The following ARHGEF38 variants were observed in gnomAD, a reference collection of about 807,000 sequenced individuals.
The protein encoded by ARHGEF38 is Rho guanine nucleotide exchange factor (GEF) 38.
In ARHGEF38, 79 loss-of-function variants were observed where a neutral mutation model predicts 79.9. The ratio of observed to expected loss-of-function variants is 0.99; its 90% CI spans 0.82 to 1.19. The LOEUF (loss-of-function observed/expected upper bound fraction) is 1.19, where lower values mean the gene tolerates loss of function less well. Among genes scored for constraint, ARHGEF38 ranks in the 50% most tolerant of loss-of-function variants. The pLI is 0.00. For synonymous variants in ARHGEF38, 366 were observed against 328.3 expected, an observed-to-expected ratio of 1.11 and a Z score of -1.24; for missense variants, 962 against 907.2, an observed-to-expected ratio of 1.06 and a Z score of -0.78.
intron 1 of ARHGEF38, among the ~76,000 whole-genome samples, chr4:105,588,314 A>G (rs1727155384): frequency 6.6e-6 from 1 of 152,252 alleles, no homozygotes; most frequent in Admixed American, 6.5e-5. Flanking sequence ...TAAATGAAAT[A>G]TAATTACTTC....
chr4:105,602,062 CA>C (rs1727845814), intron 2 of ARHGEF38, among the ~76,000 whole-genome samples: 1 of 152,084 alleles, frequency 6.6e-6, no homozygotes, highest in South Asian at 2.1e-4. Flanking sequence ...TGAACAACTT[CA>C]GGATGGGTAA....
Position 105,645,176 on chromosome 4 carries a change from T to A in ARHGEF38, c.675-12T>A, listed in dbSNP as rs929793070. On this transcript the variant is annotated splice_polypyrimidine_tract_variant and intron_variant, in intron 5 of 13. Coordinates refer to ENST00000420470, the MANE Select transcript of ARHGEF38 (RefSeq NM_001242729.2). ...ATGTTTGTGAAACTGATATTATTTA[T>A]CTGTATTGTAGAGGCAAACCAAACT... The A allele has an allele frequency of 7.8e-6, 11 of 1,415,092 alleles. No homozygotes were observed. The Admixed American group carries it at 3.2e-4, about 41-fold the overall frequency. The allele number at this position is 1,415,092 out of a possible 1,614,324, so 87.7% of individuals were successfully genotyped here.
chr4:105,574,849 T>C (rs943890322), intron 1 of ARHGEF38, among the ~76,000 whole-genome samples: 2 of 150,860 alleles, frequency 1.3e-5, no homozygotes, highest in African/African-American at 2.4e-5. Context: ...GTATCCAACA[T>C]GTAGTTTTGT....
chr4:105,608,230 T>A (rs1434273060), intron 2 of ARHGEF38, among the ~76,000 whole-genome samples: 7 of 152,192 alleles, frequency 4.6e-5, no homozygotes, highest in South Asian at 2.1e-4. Context: ...CCAATACTTG[T>A]TTTCCTTCAT....
chr4:105,565,425 G>A (rs997748676), intron 1 of ARHGEF38, among the ~76,000 whole-genome samples: 3 of 152,170 alleles, frequency 2.0e-5, no homozygotes, highest in African/African-American at 2.4e-5. Flanking sequence ...GGTAGGGCTC[G>A]ACGCAATGCT....
chr4:105,666,423 C>T (rs1370930682), intron 11 of ARHGEF38, 103 bp downstream of exon 11: 5 of 1,219,962 alleles, frequency 4.1e-6, no homozygotes, highest in Admixed American at 3.1e-5. Context: ...ATTCTAATAT[C>T]CTATAATTTA....
intron 5 of ARHGEF38, among the ~76,000 whole-genome samples, chr4:105,644,865 C>T (rs1729770661): frequency 6.6e-6 from 1 of 152,096 alleles, no homozygotes; most frequent in South Asian, 2.1e-4. Context: ...TGGTAAAATA[C>T]GTTCTGAAAT....
chr4:105,677,727 T>C, intron 13 of ARHGEF38, 25 bp from the exon 14 acceptor site: 1 of 1,393,556 alleles, frequency 7.2e-7, no homozygotes, highest in Non-Finnish European at 9.4e-7. Context: ...CCAATTCCAA[T>C]AATGTCTTTT....
intron 3 of ARHGEF38, among the ~76,000 whole-genome samples, chr4:105,615,974 A>T (rs756161971): frequency 7.2e-5 from 11 of 152,186 alleles, no homozygotes; most frequent in Non-Finnish European, 1.0e-4. Context: ...TGTAGCAGCT[A>T]GTTGTGTCAT....
chr4:105,610,125 C>T (rs1416073743), intron 2 of ARHGEF38, among the ~76,000 whole-genome samples: 1 of 152,102 alleles, frequency 6.6e-6, no homozygotes, highest in Non-Finnish European at 1.5e-5. Flanking sequence ...CCAAATACGG[C>T]ATGTTCTCAC....
At chr4:105,651,729 G>A (rs1183119414) in intron 7 of ARHGEF38, among the ~76,000 whole-genome samples, 3 of 151,852 alleles carry the variant, frequency 2.0e-5, no homozygotes, top group African/African-American at 4.8e-5. Flanking sequence ...ATCATAGCTC[G>A]CTGCAGCCTC....
Position 105,636,313 on chromosome 4 carries a change from A to G in ARHGEF38, c.657-90A>G, listed in dbSNP as rs972019140. 1.4e-5 allele frequency: 3 copies of G among 214,904 alleles called. No homozygotes were observed. In the East Asian group the frequency reaches 4.6e-4, roughly 33 times the overall value. The allele number at this position is 214,904 out of a possible 1,614,324, so 13.3% of individuals were successfully genotyped here. The stretch of plus-strand genomic sequence containing the variant: ...ATGAAAATTACTTATTTTATTTTAC[A>G]TAAGAAAATTTAAAAGGATTTATAA... On this transcript the variant is annotated intron_variant, in intron 4 of 13. Transcript: ENST00000420470.
intron 1 of ARHGEF38, among the ~76,000 whole-genome samples, chr4:105,574,959 G>GCA (rs1227700956): frequency 6.7e-6 from 1 of 149,178 alleles, no homozygotes; most frequent in African/African-American, 2.5e-5. Flanking sequence ...ATATATATAT[G>GCA]CACACACATA....
At chr4:105,579,489 C>G (rs1726672117) in intron 1 of ARHGEF38, among the ~76,000 whole-genome samples, 1 of 152,118 alleles carries the variant, frequency 6.6e-6, no homozygotes, top group East Asian at 1.9e-4. Context: ...TTCAGATGAT[C>G]ATGTGGTTTT....
chr4:105,631,571 G>T, intron 4 of ARHGEF38: 1 of 985,348 alleles, frequency 1.0e-6, no homozygotes, highest in Non-Finnish European at 1.2e-6. Context: ...AAACATTGGT[G>T]GGGGAGCTAC....
intron 2 of ARHGEF38, among the ~76,000 whole-genome samples, chr4:105,603,704 A>G (rs1202806534): frequency 6.6e-6 from 1 of 152,138 alleles, no homozygotes; most frequent in East Asian, 1.9e-4. Flanking sequence ...CACACCTCAC[A>G]GTGTCTGCAG....
At chr4:105,571,907 C>T (rs1425918338) in intron 1 of ARHGEF38, among the ~76,000 whole-genome samples, 4 of 152,044 alleles carry the variant, frequency 2.6e-5, no homozygotes, top group Admixed American at 1.3e-4. Flanking sequence ...CATATGGTGC[C>T]TGATAGAAAG....
intron 3 of ARHGEF38, among the ~76,000 whole-genome samples, chr4:105,616,464 G>A (rs1280601657): frequency 6.6e-6 from 1 of 152,074 alleles, no homozygotes; most frequent in Non-Finnish European, 1.5e-5. Context: ...GAGAGAGAGA[G>A]CACGCCAAGG....
At chr4:105,649,997 G>A (rs945222928) in intron 7 of ARHGEF38, among the ~76,000 whole-genome samples, 2 of 152,132 alleles carry the variant, frequency 1.3e-5, no homozygotes, top group African/African-American at 4.8e-5. Flanking sequence ...TTAACAAATG[G>A]GATGGTTGTG....
Sources: gnomAD v4.1 joint callset for allele counts (sites outside exome capture counted in the v4.1 genomes callset) on GRCh38, gnomAD v4.1.1 for gene constraint, MANE v1.5 for transcripts, NCBI Gene and HGNC (gene_info 2026-07-23, HGNC 2026-07-21) for gene names.